FBLN1: variants seen among roughly 807,000 people sequenced by gnomAD.
The protein encoded by FBLN1 is fibulin 1.
Under a neutral mutation model 89.7 loss-of-function variants are expected in FBLN1, and 34 were observed. That is an observed-to-expected ratio of 0.38 (90% CI 0.29 to 0.50). FBLN1 has a LOEUF of 0.50. Ranked by LOEUF, FBLN1 falls within the 20% of genes least tolerant of loss-of-function variation. The pLI, the probability that FBLN1 is intolerant of heterozygous loss-of-function variation, is 0.92. For synonymous variants in FBLN1, 393 were observed against 391.3 expected (o/e 1.00, Z -0.05); for missense variants, 777 against 988.1 (o/e 0.79, Z 2.86).
chr22:45,504,200 A>G (rs2087987009), intron 1 of FBLN1, among the ~76,000 whole-genome samples: 1 of 146,278 alleles, frequency 6.8e-6, no homozygotes, highest in Non-Finnish European at 1.5e-5. Flanking sequence ...GGATTCCAGG[A>G]AGGGGGCTGA....
At position 45,578,119 on chromosome 22, in the gene FBLN1, G is replaced by C. The variant is rs1364330371; in HGVS notation, c.1972+1011G>C. On this transcript the variant is annotated intron_variant, in intron 16 of 16. Coordinates refer to ENST00000327858, the MANE Select transcript of FBLN1 (RefSeq NM_006486.3). The surrounding 1 kb of genome is among the most constrained non-coding windows in gnomAD (Gnocchi z 4.6). ...GTCCCTTAGGCGCTGGAGTCCGGGA[G>C]GTCCTAACCAGAACCCACGAGCGTG... 6.6e-6 allele frequency: 1 copy of C among 152,152 alleles called. No individual in the cohort carries two copies. Among genetic ancestry groups the C allele is most frequent in the Non-Finnish European group, 1.5e-5 (1 of 68,064 alleles). The allele number at this position is 152,152 out of a possible 1,614,324, so 9.4% of individuals were successfully genotyped here. A position where few individuals can be genotyped will look rare whatever the true frequency, so the allele number is the denominator to read the frequency against.
chr22:45,526,384 G>A (rs1413194675), intron 3 of FBLN1, among the ~76,000 whole-genome samples: 8 of 152,308 alleles, frequency 5.3e-5, no homozygotes, highest in Non-Finnish European at 1.0e-4. Context: ...ATTGCCTACA[G>A]GCAGTAAACC....
chr22:45,546,933 TC>T (rs2088636394), intron 11 of FBLN1, 151 bp from the exon 12 acceptor site: 1 of 1,207,100 alleles, frequency 8.3e-7, no homozygotes, highest in Non-Finnish European at 1.2e-6. Flanking sequence ...ATGACGCCTC[TC>T]CCTCGGCCAC....
chr22:45,560,037 T>G (rs531553288), intron 14 of FBLN1, among the ~76,000 whole-genome samples: 22 of 152,336 alleles, frequency 1.4e-4, no homozygotes, highest in African/African-American at 5.3e-4. Flanking sequence ...ACAAATCAAG[T>G]AGGAATGCAG....
intron 14 of FBLN1, among the ~76,000 whole-genome samples, chr22:45,552,019 A>C (rs2088709219): frequency 1.3e-5 from 2 of 152,132 alleles, no homozygotes; most frequent in South Asian, 4.1e-4. Context: ...GTCATGGCTG[A>C]AATCAGGGGA....
intron 1 of FBLN1, among the ~76,000 whole-genome samples, chr22:45,505,084 C>T (rs1471513208): frequency 1.3e-5 from 2 of 152,212 alleles, no homozygotes; most frequent in African/African-American, 2.4e-5. Context: ...TGGCGACGGC[C>T]GCTTAAATGG....
intron 16 of FBLN1, among the ~76,000 whole-genome samples, chr22:45,585,807 G>A (rs573093264): frequency 6.6e-6 from 1 of 152,292 alleles, no homozygotes; most frequent in African/African-American, 2.4e-5. Context: ...TGCTCCCTAT[G>A]TCGTGACCCC....
At position 45,549,518 on chromosome 22, in the gene FBLN1, G is replaced by T. The variant is rs905623709; in HGVS notation, c.1573+774G>T. 1.3e-5 allele frequency among the ~76,000 whole-genome samples: 2 copies of T among 152,156 alleles called. No individual in the cohort carries two copies. Among genetic ancestry groups the T allele is most frequent in the African/African-American group, 2.4e-5 (1 of 41,430 alleles). ...CGGTGTTTCCTGGGAGGCCCCCTCCGCTTGCCCTGGGCTCTGGATGGAAGG... is the reference window on the plus strand; with the variant it reads ...CGGTGTTTCCTGGGAGGCCCCCTCCTCTTGCCCTGGGCTCTGGATGGAAGG... On this transcript the variant is annotated intron_variant, in intron 13 of 16. Coordinates refer to ENST00000327858, the MANE Select transcript of FBLN1 (RefSeq NM_006486.3). The surrounding 1 kb of genome is among the most constrained non-coding windows in gnomAD (Gnocchi z 5.7).
chr22:45,550,815 G>A lies in FBLN1; in HGVS notation c.1697+200G>A. On this transcript the variant is annotated intron_variant, in intron 14 of 16. Coordinates refer to ENST00000327858, the MANE Select transcript of FBLN1 (RefSeq NM_006486.3). The surrounding 1 kb of genome is among the most constrained non-coding windows in gnomAD (Gnocchi z 8.4). ...GTCTCGGAAAGTCAAGGGGGTAACT[G>A]CAAATGAGTCTGGGGTCTATAGTCA... 2.8e-6 allele frequency: 2 copies of A among 711,768 alleles called. No homozygotes were observed. Among genetic ancestry groups the A allele is most frequent in the Non-Finnish European group, 4.9e-6 (2 of 408,168 alleles). The allele number at this position is 711,768 out of a possible 1,614,324, so 44.1% of individuals were successfully genotyped here.
At chr22:45,544,180 G>C (rs577224179) in intron 11 of FBLN1, among the ~76,000 whole-genome samples, 11 of 151,926 alleles carry the variant, frequency 7.2e-5, no homozygotes, top group Non-Finnish European at 1.6e-4. Context: ...TCCGCCTCCC[G>C]GGTTCAAGCG....
At chr22:45,525,854 C>T (rs1363177112) in intron 3 of FBLN1, among the ~76,000 whole-genome samples, 176 bp downstream of exon 3, 1 of 152,212 alleles carries the variant, frequency 6.6e-6, no homozygotes, top group Non-Finnish European at 1.5e-5. Context: ...GTTTCTCCCC[C>T]TCCACTGTAG....
rs1198790106 is a variant in FBLN1, at chr22:45,600,304, C to T, written c.1973-3C>T. 2.5e-6 allele frequency: 4 copies of T among 1,614,098 alleles called. No individual in the cohort carries two copies. The highest frequency in any genetic ancestry group is 1.7e-5 in the Admixed American group (1 of 60,008). On this transcript the variant is annotated splice_polypyrimidine_tract_variant and splice_region_variant and intron_variant, in intron 16 of 16. Coordinates refer to ENST00000327858, the MANE Select transcript of FBLN1 (RefSeq NM_006486.3). ...TCCAGCACACCTTCTGCTCTCTCCG[C>T]AGGTGTCGTGCGCCAGGTGCGGCCC...
At chr22:45,518,593 G>T in intron 1 of FBLN1, 89 bp from the exon 2 acceptor site, 1 of 927,026 alleles carries the variant, frequency 1.1e-6, no homozygotes, top group Non-Finnish European at 1.7e-6. Context: ...CAAGACAGAA[G>T]GACGTGCGTG....
At chr22:45,555,890 T>C (rs943719358) in intron 14 of FBLN1, among the ~76,000 whole-genome samples, 2 of 152,240 alleles carry the variant, frequency 1.3e-5, no homozygotes, top group African/African-American at 4.8e-5. Flanking sequence ...TAAATGCTGA[T>C]GTGAATTCAA....
chr22:45,522,147 G>A (rs1156773327), intron 2 of FBLN1, among the ~76,000 whole-genome samples: 1 of 152,082 alleles, frequency 6.6e-6, no homozygotes. Flanking sequence ...CACCATGCGT[G>A]GCTAATTTTG....
At chr22:45,564,919 C>T (rs775373017) in intron 14 of FBLN1, 22 of 1,613,954 alleles carry the variant, frequency 1.4e-5, no homozygotes, top group South Asian at 1.2e-4. Flanking sequence ...AACACCCCAG[C>T]GGGATCAAGT....
chr22:45,523,563 G>T (rs1352860429), intron 2 of FBLN1, among the ~76,000 whole-genome samples: 2 of 152,136 alleles, frequency 1.3e-5, no homozygotes, highest in Non-Finnish European at 2.9e-5. Context: ...AATTAGCTGG[G>T]CATGGTGGCA....
Position 45,533,068 on chromosome 22 carries a change from G to A in FBLN1, c.550G>A (p.Gly184Arg), listed in dbSNP as rs374133850. 9 of 1,613,858 alleles carry A rather than the reference G, an allele frequency of 5.6e-6. No homozygotes were observed. The highest frequency in any genetic ancestry group is 2.7e-5 in the African/African-American group (2 of 74,936). ...PYLNDRCRGGGPCKQQCRDTG... is the reference protein window; with the variant it reads ...PYLNDRCRGGRPCKQQCRDTG... ...CATGCACGCTGTGCTTCCAGGAGGC[G>A]GGCCCTGCAAGCAGCAGTGCCGAGA... Residue 184 changes from glycine to arginine, a missense_variant, in exon 6 of 17, where the codon GGG (glycine) becomes AGG (arginine). Gly to Arg is a moderately radical substitution (Grantham distance 125). Transcript: ENST00000327858.
chr22:45,553,412 T>C (rs960286661), intron 14 of FBLN1, among the ~76,000 whole-genome samples: 2 of 152,218 alleles, frequency 1.3e-5, no homozygotes, highest in Non-Finnish European at 2.9e-5. Flanking sequence ...GGCTCGCCTA[T>C]GCCCTGCTCT....
Sources: allele counts gnomAD v4.1 joint callset (sites outside exome capture counted in the v4.1 genomes callset), GRCh38; gene constraint gnomAD v4.1.1; non-coding constraint Gnocchi (gnomAD v3.1); transcripts MANE v1.5; gene names NCBI Gene and HGNC (gene_info 2026-07-23, HGNC 2026-07-21).